CDH12: variants seen among roughly 807,000 people sequenced by gnomAD.
The protein encoded by CDH12 is cadherin 12.
A neutral mutation model predicts 74.1 loss-of-function variants in CDH12; 41 were observed. That is an observed-to-expected ratio of 0.55 (90% CI 0.43 to 0.72). The LOEUF (loss-of-function observed/expected upper bound fraction) is 0.72. Ranked by LOEUF, CDH12 falls within the 30% of genes least tolerant of loss-of-function variation. The pLI, the probability that CDH12 is intolerant of heterozygous loss-of-function variation, is 0.00. For missense variants in CDH12, 945 were observed against 977.2 expected, an observed-to-expected ratio of 0.97 and a Z score of 0.44; for synonymous variants, 399 against 355.0, an observed-to-expected ratio of 1.12 and a Z score of -1.39.
chr5:22,190,459 G>A (rs1012488986), intron 4 of CDH12, among the ~76,000 whole-genome samples: 1 of 150,948 alleles, frequency 6.6e-6, no homozygotes, highest in Non-Finnish European at 1.5e-5. Flanking sequence ...CACTGTTTTG[G>A]AACTGTGACC....
chr5:22,778,770 T>A (rs932077567), intron 1 of CDH12, among the ~76,000 whole-genome samples: 1 of 152,130 alleles, frequency 6.6e-6, no homozygotes, highest in Non-Finnish European at 1.5e-5. Flanking sequence ...ATAATTTGGT[T>A]GAAATATAGT....
intron 3 of CDH12, among the ~76,000 whole-genome samples, chr5:22,292,642 A>G (rs778242662): frequency 2.6e-5 from 4 of 151,782 alleles, no homozygotes; most frequent in Admixed American, 6.6e-5. Context: ...ACACACACAC[A>G]CAAACACAAA....
rs542017519 is a variant in CDH12 at position 22,464,950 on chromosome 5, C to T, written c.-428+40320G>A. On this transcript the variant is annotated intron_variant, in intron 2 of 14. Transcript: ENST00000382254. ...CCGGGAGGCGGAGGCTGCAGTGAGCCGAGATTGCACCAGAAAGTCCAGCCT... is the reference window on the plus strand; with the variant it reads ...CCGGGAGGCGGAGGCTGCAGTGAGCTGAGATTGCACCAGAAAGTCCAGCCT... 4.8e-5 allele frequency among the ~76,000 whole-genome samples: 7 copies of T among 146,586 alleles called. No homozygotes were observed. The Middle Eastern group carries it at 0.019, about 388-fold the overall frequency.
chr5:21,821,718 CTAAA>C (rs1210651880), intron 8 of CDH12, among the ~76,000 whole-genome samples: 2 of 151,774 alleles, frequency 1.3e-5, no homozygotes, highest in Non-Finnish European at 2.9e-5. Flanking sequence ...TTGATTCCAA[CTAAA>C]TAGACTATGA....
intron 6 of CDH12, among the ~76,000 whole-genome samples, chr5:21,861,107 T>A (rs1390260783): frequency 6.6e-6 from 1 of 151,990 alleles, no homozygotes; most frequent in Non-Finnish European, 1.5e-5. Flanking sequence ...TCACTGCGGA[T>A]CAAAAATCAG....
intron 3 of CDH12, among the ~76,000 whole-genome samples, chr5:22,384,786 G>A (rs556970824): frequency 1.3e-4 from 20 of 152,040 alleles, no homozygotes; most frequent in African/African-American, 3.9e-4. Flanking sequence ...AAATTAGAGC[G>A]ACTAAATTTT....
At position 21,832,032 on chromosome 5, in the gene CDH12, G is replaced by A. The variant is rs142258697; in HGVS notation, c.814+10129C>T. Among the ~76,000 whole-genome samples, 659 of 152,086 alleles carry A rather than the reference G, an allele frequency of 4.3e-3. 4 individuals carry two copies. The highest frequency in any genetic ancestry group is 0.015 in the African/African-American group (625 of 41,512). On this transcript the variant is annotated intron_variant, in intron 8 of 14. Coordinates refer to ENST00000382254, the MANE Select transcript of CDH12 (RefSeq NM_004061.5). The stretch of plus-strand genomic sequence containing the variant: ...GGCCTTTAACATTATTTTTTATAAC[G>A]TTGGTAAGATTAGGGGCAATATCTT...
At chr5:22,546,499 G>A (rs1199447847) in intron 1 of CDH12, among the ~76,000 whole-genome samples, 1 of 152,072 alleles carries the variant, frequency 6.6e-6, no homozygotes, top group Non-Finnish European at 1.5e-5. Context: ...GTTTAATTTA[G>A]ATAATGTTAG....
chr5:22,612,145 A>C (rs1255855425), intron 1 of CDH12, among the ~76,000 whole-genome samples: 1 of 152,144 alleles, frequency 6.6e-6, no homozygotes, highest in African/African-American at 2.4e-5. Context: ...TGTTTTTATA[A>C]ATGATCTTTC....
intron 4 of CDH12, among the ~76,000 whole-genome samples, chr5:22,135,804 A>G (rs1266975221): frequency 6.6e-6 from 1 of 151,970 alleles, no homozygotes; most frequent in African/African-American, 2.4e-5. Context: ...TTGTTTGGCA[A>G]CTATTAGATA....
Position 22,540,504 on chromosome 5 carries a change from A to G in CDH12, c.-522-35140T>C, listed in dbSNP as rs570973713. On this transcript the variant is annotated intron_variant, in intron 1 of 14. Coordinates refer to ENST00000382254, the MANE Select transcript of CDH12 (RefSeq NM_004061.5). The stretch of plus-strand genomic sequence containing the variant: ...TTTTATGTTATAATGAACTTCTTCT[A>G]AAGCTATTTTTAATACCAAAATCAT... 1.3e-3 allele frequency among the ~76,000 whole-genome samples: 192 copies of G among 152,284 alleles called. No individual in the cohort carries two copies. In the Middle Eastern group the frequency reaches 0.034, roughly 27 times the overall value.
chr5:22,661,309 T>C (rs934501498), intron 1 of CDH12, among the ~76,000 whole-genome samples: 1 of 152,160 alleles, frequency 6.6e-6, no homozygotes, highest in South Asian at 2.1e-4. Flanking sequence ...CTGGGTTGAA[T>C]ACAAGAACCT....
At chr5:21,767,324 A>G (rs955323109) in intron 11 of CDH12, among the ~76,000 whole-genome samples, 5 of 151,758 alleles carry the variant, frequency 3.3e-5, no homozygotes, top group Non-Finnish European at 7.4e-5. Flanking sequence ...TAATATAAGA[A>G]AAAGTTATTA....
At chr5:22,677,210 A>ACACACTCTG (rs1741241019) in intron 1 of CDH12, among the ~76,000 whole-genome samples, 1 of 152,170 alleles carries the variant, frequency 6.6e-6, no homozygotes, top group Non-Finnish European at 1.5e-5. Context: ...CCAAAAGTTC[A>ACACACTCTG]CACACTCTGT....
chr5:22,567,485 C>T (rs1437206175), intron 1 of CDH12, among the ~76,000 whole-genome samples: 5 of 152,126 alleles, frequency 3.3e-5, no homozygotes, highest in African/African-American at 9.7e-5. Flanking sequence ...CCAGTTTTCC[C>T]GTGTCTTTCA....
intron 1 of CDH12, among the ~76,000 whole-genome samples, chr5:22,729,651 A>G (rs915288832): frequency 1.3e-5 from 2 of 151,870 alleles, no homozygotes; most frequent in African/African-American, 4.8e-5. Flanking sequence ...TTTACAGCTG[A>G]AGCATTAGAC....
intron 4 of CDH12, among the ~76,000 whole-genome samples, chr5:22,087,229 T>C (rs1743124625): frequency 6.6e-6 from 1 of 152,192 alleles, no homozygotes; most frequent in Non-Finnish European, 1.5e-5. Flanking sequence ...AGAAGTATAC[T>C]ATCCTAATAT....
chr5:22,663,145 A>C (rs1871189), intron 1 of CDH12, among the ~76,000 whole-genome samples: 23,920 of 151,472 alleles, frequency 0.16, 2,768 homozygotes, highest in African/African-American at 0.31. Context: ...AAAGCTGAAG[A>C]TAAAACTAAA....
At chr5:22,315,119 C>CTTTTTT (rs70959715) in intron 3 of CDH12, among the ~76,000 whole-genome samples, 473 of 22,994 alleles carry the variant, frequency 0.021, 147 homozygotes, top group African/African-American at 0.031. Flanking sequence ...GCCTGCCTGG[C>CTTTTTT]TTTTTTTTTT....
Sources: gnomAD v4.1 joint callset for allele counts (sites outside exome capture counted in the v4.1 genomes callset) on GRCh38, gnomAD v4.1.1 for gene constraint, MANE v1.5 for transcripts, NCBI Gene and HGNC (gene_info 2026-07-23, HGNC 2026-07-21) for gene names.